The following MICU1 variants were observed in gnomAD, a reference collection of about 807,000 sequenced individuals.
MICU1 encodes calcium uptake protein 1, mitochondrial.
Under a neutral mutation model 56.8 loss-of-function variants are expected in MICU1, and 45 were observed. The ratio of observed to expected loss-of-function variants is 0.79; its 90% CI spans 0.62 to 1.02. MICU1 has a LOEUF of 1.02. MICU1 is among the 50% of genes least tolerant of loss of function. MICU1 has a pLI of 0.00. For missense variants in MICU1, 504 were observed against 587.1 expected, an observed-to-expected ratio of 0.86 and a Z score of 1.46; for synonymous variants, 186 against 195.1, an observed-to-expected ratio of 0.95 and a Z score of 0.39.
chr10:72,437,262 A>T (rs1219697900), intron 8 of MICU1, among the ~76,000 whole-genome samples: 1 of 152,142 alleles, frequency 6.6e-6, no homozygotes, highest in Non-Finnish European at 1.5e-5. Flanking sequence ...TAAAGAAAAG[A>T]ATTTAACCCA....
chr10:72,462,419 A>G (rs1333605895), intron 8 of MICU1, among the ~76,000 whole-genome samples: 1 of 152,094 alleles, frequency 6.6e-6, no homozygotes, highest in Non-Finnish European at 1.5e-5. Context: ...GCACCTGTAC[A>G]TAAAGCACTT....
chr10:72,372,397 CAAG>C (rs1413088591), intron 11 of MICU1, among the ~76,000 whole-genome samples: 6 of 151,850 alleles, frequency 4.0e-5, no homozygotes, highest in East Asian at 3.9e-4. Flanking sequence ...TTTGGGAGGC[CAAG>C]AAGGGAGGAC....
rs71018292 is a variant in MICU1 at position 72,456,946 on chromosome 10, G to GGTGTGTGTGT, written c.933+18144_933+18153dup. 1.4e-3 allele frequency among the ~76,000 whole-genome samples: 170 copies of GGTGTGTGTGT among 117,790 alleles called. 2 individuals are homozygous for GGTGTGTGTGT. Among genetic ancestry groups the GGTGTGTGTGT allele is most frequent in the African/African-American group, 3.8e-3 (118 of 31,248 alleles). 77.3% of individuals were successfully genotyped at this position (117,790 alleles called of 152,430 possible). A position where few individuals can be genotyped will look rare whatever the true frequency, so the allele number is the denominator to read the frequency against. ...AAACGAGATCTCACTATATTGCCCA[G>GGTGTGTGTGT]GTGTGTGTGTGTGTGTGTGTGTGTG... On this transcript the variant is annotated intron_variant, in intron 8 of 11. Coordinates refer to ENST00000361114, the MANE Select transcript of MICU1 (RefSeq NM_001195518.2).
chr10:72,503,024 G>A (rs1013672748), intron 6 of MICU1: 1 of 154,052 alleles, frequency 6.5e-6, no homozygotes, highest in African/African-American at 2.4e-5. Flanking sequence ...GAGCCCAGAT[G>A]CTGGGGTTGG....
intron 8 of MICU1, among the ~76,000 whole-genome samples, chr10:72,428,680 G>A (rs1275600662): frequency 6.6e-6 from 1 of 152,088 alleles, no homozygotes; most frequent in Non-Finnish European, 1.5e-5. Context: ...ACTAAATGAT[G>A]AGTACCAATC....
At chr10:72,494,816 C>A (rs1866782137) in intron 6 of MICU1, among the ~76,000 whole-genome samples, 1 of 148,634 alleles carries the variant, frequency 6.7e-6, no homozygotes, top group South Asian at 2.1e-4. Context: ...ACATTTTTTC[C>A]AAAAAATACA....
chr10:72,395,224 C>T (rs1191470376), intron 10 of MICU1, among the ~76,000 whole-genome samples: 2 of 151,864 alleles, frequency 1.3e-5, no homozygotes, highest in African/African-American at 2.4e-5. Context: ...ACCTTGTTAG[C>T]CAGGATGGTC....
chr10:72,413,759 T>A (rs2132116887), intron 9 of MICU1, among the ~76,000 whole-genome samples: 1 of 151,916 alleles, frequency 6.6e-6, no homozygotes, highest in East Asian at 1.9e-4. Flanking sequence ...AGGACTTGTA[T>A]CCAGAATTAT....
At chr10:72,394,350 A>T (rs1246996597) in intron 10 of MICU1, among the ~76,000 whole-genome samples, 2 of 152,200 alleles carry the variant, frequency 1.3e-5, no homozygotes, top group Non-Finnish European at 2.9e-5. Flanking sequence ...AAAATTACCC[A>T]TATGAGGCTG....
At chr10:72,428,361 G>A (rs1229604359) in intron 8 of MICU1, among the ~76,000 whole-genome samples, 1 of 152,022 alleles carries the variant, frequency 6.6e-6, no homozygotes, top group Admixed American at 6.6e-5. Context: ...TGTTGCCCAG[G>A]ATGGAGTGCA....
intron 11 of MICU1, among the ~76,000 whole-genome samples, chr10:72,370,026 G>A (rs11000273): frequency 0.44 from 66,926 of 151,892 alleles, 18,678 homozygotes; most frequent in Non-Finnish European, 0.64. Context: ...ACAGGCACCC[G>A]CCATCATGCC....
At chr10:72,369,207 C>A (rs1023074938) in intron 11 of MICU1, among the ~76,000 whole-genome samples, 1 of 151,524 alleles carries the variant, frequency 6.6e-6, no homozygotes, top group Non-Finnish European at 1.5e-5. Context: ...GATTACCACC[C>A]GGTGATTGCG....
In MICU1 at chr10:72,597,833, A is replaced by G. The variant is rs551449131; in HGVS notation, c.-2+28177T>C. On this transcript the variant is annotated intron_variant, in intron 1 of 11. Coordinates refer to ENST00000361114, the MANE Select transcript of MICU1 (RefSeq NM_001195518.2). Reference sequence around the variant, plus strand: ...CTCCTTTCCCTTGGGGCCACTGAATAAACTGTGTGTTGTGCGCCTGTGTTA... The same window carrying G: ...CTCCTTTCCCTTGGGGCCACTGAATGAACTGTGTGTTGTGCGCCTGTGTTA... Among the ~76,000 whole-genome samples the G allele has an allele frequency of 1.1e-4, 16 of 152,292 alleles. No homozygotes were observed. In the South Asian group the frequency reaches 3.1e-3, roughly 30 times the overall value.
intron 4 of MICU1, among the ~76,000 whole-genome samples, chr10:72,536,292 A>G (rs1174868470): frequency 6.6e-6 from 1 of 152,136 alleles, no homozygotes; most frequent in African/African-American, 2.4e-5. Flanking sequence ...AAACAGCACT[A>G]TGTACCCCAT....
chr10:72,476,590 T>C (rs1375878862), intron 7 of MICU1, among the ~76,000 whole-genome samples: 2 of 152,196 alleles, frequency 1.3e-5, no homozygotes, highest in Non-Finnish European at 2.9e-5. Flanking sequence ...TATTTGCCCC[T>C]TTCCTCATTT....
At position 72,540,267 on chromosome 10, in the gene MICU1, CAAAAAAAAA is replaced by C. The variant is rs11287541; in HGVS notation, c.494-6487_494-6479del. Among the ~76,000 whole-genome samples, 6 of 85,464 alleles carry C rather than the reference CAAAAAAAAA, an allele frequency of 7.0e-5. No homozygotes were observed. The South Asian group carries it at 1.9e-3, about 28-fold the overall frequency. 56.1% of individuals were successfully genotyped at this position (85,464 alleles called of 152,430 possible). On this transcript the variant is annotated intron_variant, in intron 4 of 11. Transcript: ENST00000361114. ...GGGCAACCAGAGTGAAACTCCATCT[CAAAAAAAAA>C]AAAAAAAAAAGAAAAGAGAAAGAAA...
At chr10:72,377,188 C>T (rs10823917) in intron 10 of MICU1, among the ~76,000 whole-genome samples, 1 of 151,932 alleles carries the variant, frequency 6.6e-6, no homozygotes, top group South Asian at 2.1e-4. Context: ...GGCACGATCT[C>T]GGCTCACTGC....
At chr10:72,612,393 T>C (rs189619319) in intron 1 of MICU1, among the ~76,000 whole-genome samples, 6 of 152,336 alleles carry the variant, frequency 3.9e-5, no homozygotes, top group Non-Finnish European at 7.3e-5. Context: ...AAAAGGAAGT[T>C]ATTAATGACT....
intron 2 of MICU1, among the ~76,000 whole-genome samples, chr10:72,563,898 C>A (rs948801611): frequency 9.2e-5 from 14 of 151,874 alleles, no homozygotes; most frequent in African/African-American, 3.1e-4. Flanking sequence ...ATATCAAGGT[C>A]TTTAGAAAAA....
Sources: allele counts gnomAD v4.1 joint callset (sites outside exome capture counted in the v4.1 genomes callset), GRCh38; gene constraint gnomAD v4.1.1; transcripts MANE v1.5; gene names NCBI Gene and HGNC (gene_info 2026-07-23, HGNC 2026-07-21).